KIAA1549L: variants seen among roughly 807,000 people sequenced by gnomAD.
KIAA1549L encodes KIAA1549 like, also known as UPF0606 protein KIAA1549L.
KIAA1549L carries 88 observed loss-of-function variants against 160.7 expected under a neutral mutation model. The ratio of observed to expected loss-of-function variants is 0.55; its 90% CI spans 0.46 to 0.65. The LOEUF (loss-of-function observed/expected upper bound fraction) is 0.65. Ranked by LOEUF, KIAA1549L falls within the 30% of genes least tolerant of loss-of-function variation. The probability of loss-of-function intolerance (pLI) is 0.00; values close to 1 mark genes in which losing one functional copy is unlikely to be tolerated. For synonymous variants in KIAA1549L, 950 were observed against 976.7 expected (o/e 0.97, Z 0.51); for missense variants, 2,258 against 2,437.5 (o/e 0.93, Z 1.55).
At chr11:33,492,259 T>C (rs764814234) in intron 1 of KIAA1549L, among the ~76,000 whole-genome samples, 1 of 152,140 alleles carries the variant, frequency 6.6e-6, no homozygotes. Context: ...TCCCGGCCAC[T>C]GGGGAGGCTG....
chr11:33,671,688 G>C lies in KIAA1549L; in HGVS notation c.*3534G>C, dbSNP rs1372499247. The C allele has an allele frequency of 6.6e-6, 1 of 151,872 alleles. No homozygotes were observed. Among genetic ancestry groups the C allele is most frequent in the Non-Finnish European group, 1.5e-5 (1 of 68,020 alleles). The allele number at this position is 151,872 out of a possible 1,614,324, so 9.4% of individuals were successfully genotyped here. ...ACTAATAGAGATGCTTTTTCTAACA[G>C]GCAGAAATTAGAGAAATGGATCAAA... On this transcript the variant is annotated 3_prime_UTR_variant, in exon 21 of 21. Coordinates refer to ENST00000658780, the MANE Select transcript of KIAA1549L (RefSeq NM_012194.3).
intron 20 of KIAA1549L, among the ~76,000 whole-genome samples, chr11:33,665,882 A>G (rs1852432340): frequency 6.6e-6 from 1 of 152,166 alleles, no homozygotes; most frequent in African/African-American, 2.4e-5. Flanking sequence ...CACCTTCCCA[A>G]GATGCTGAGG....
chr11:33,651,008 T>A (rs985394006), intron 17 of KIAA1549L, among the ~76,000 whole-genome samples: 1 of 152,158 alleles, frequency 6.6e-6, no homozygotes, highest in African/African-American at 2.4e-5. Context: ...AGAAGGCCCC[T>A]TTTCCAGGCC....
chr11:33,526,092 C>T (rs1302191900), intron 1 of KIAA1549L, among the ~76,000 whole-genome samples: 1 of 152,096 alleles, frequency 6.6e-6, no homozygotes, highest in Non-Finnish European at 1.5e-5. Context: ...ATGGCCCCAC[C>T]TATTGCCTGA....
At chr11:33,515,804 A>G (rs1046285473) in intron 1 of KIAA1549L, among the ~76,000 whole-genome samples, 5 of 152,204 alleles carry the variant, frequency 3.3e-5, no homozygotes, top group African/African-American at 1.2e-4. Context: ...TCAGTGCTCC[A>G]GAAAAGTAAC....
At chr11:33,474,930 G>A (rs1192228040) in intron 1 of KIAA1549L, among the ~76,000 whole-genome samples, 1 of 152,182 alleles carries the variant, frequency 6.6e-6, no homozygotes, top group Admixed American at 6.5e-5. Flanking sequence ...ATTAAGGAGG[G>A]CTGCAATATT....
At chr11:33,495,893 T>C (rs1852806149) in intron 1 of KIAA1549L, among the ~76,000 whole-genome samples, 1 of 152,002 alleles carries the variant, frequency 6.6e-6, no homozygotes, top group African/African-American at 2.4e-5. Context: ...GTGAGCATTT[T>C]TTCATGTGTT....
intron 3 of KIAA1549L, among the ~76,000 whole-genome samples, chr11:33,546,965 A>G (rs1261318519): frequency 2.0e-5 from 3 of 152,258 alleles, no homozygotes; most frequent in East Asian, 1.9e-4. Context: ...GACTCTCTCA[A>G]AATATCTTAT....
At chr11:33,646,086 T>A (rs895518600) in intron 17 of KIAA1549L, 50 bp downstream of exon 17, 5 of 1,408,304 alleles carry the variant, frequency 3.6e-6, no homozygotes, top group Non-Finnish European at 3.9e-6. Flanking sequence ...GTCTGCCCAG[T>A]GAGTTCCAAC....
In KIAA1549L at chr11:33,543,082, T is replaced by C. The variant is rs1400173734; in HGVS notation, c.1519T>C (p.Phe507Leu). The C allele has an allele frequency of 6.2e-7, 1 of 1,613,882 alleles. No individual in the cohort carries two copies. The highest frequency in any genetic ancestry group is 1.1e-5 in the South Asian group (1 of 91,090). ...GTADFPSILT[F>L]LQPTENHASP... ...AGCCGACTTTCCCTCCATACTTACTTTCCTCCAGCCCACAGAGAATCATGC... is the reference window on the plus strand; with the variant it reads ...AGCCGACTTTCCCTCCATACTTACTCTCCTCCAGCCCACAGAGAATCATGC... The change falls in exon 2 of 21, where the codon TTC becomes CTC. Residue 507 changes from phenylalanine to leucine, a missense_variant. By Grantham distance (22) the Phe-to-Leu change is conservative. Around this residue, in one of 6 missense-constraint regions of KIAA1549L, gnomAD observed 540 missense variants for 465.7 expected, o/e 1.16. Transcript: ENST00000658780.
At chr11:33,418,771 C>T (rs1290837431) in intron 1 of KIAA1549L, among the ~76,000 whole-genome samples, 2 of 152,112 alleles carry the variant, frequency 1.3e-5, no homozygotes, top group Non-Finnish European at 2.9e-5. Context: ...ATTTTATATC[C>T]TAGTGCAATG....
chr11:33,452,074 C>G lies in KIAA1549L; in HGVS notation c.238+75185C>G, dbSNP rs149503489. Among the ~76,000 whole-genome samples, 498 of 152,250 alleles carry G rather than the reference C, an allele frequency of 3.3e-3. 2 individuals carry two copies. The highest frequency in any genetic ancestry group is 0.011 in the African/African-American group (465 of 41,556). On this transcript the variant is annotated intron_variant, in intron 1 of 20. Coordinates refer to ENST00000658780, the MANE Select transcript of KIAA1549L (RefSeq NM_012194.3). ...TATGCTACTCTTAAATCCAAAATCC[C>G]AGTAGAGGAGAAGATGCCTTTTAGT...
At chr11:33,550,986 C>A in intron 4 of KIAA1549L, 54 bp from the exon 5 acceptor site, 1 of 1,452,198 alleles carries the variant, frequency 6.9e-7, no homozygotes, top group East Asian at 2.3e-5. Flanking sequence ...CCAGGAAGAA[C>A]TTAAAGTGCT....
chr11:33,598,190 T>TTG (rs57343190), intron 12 of KIAA1549L, among the ~76,000 whole-genome samples: 19,167 of 135,036 alleles, frequency 0.14, 1,324 homozygotes, highest in East Asian at 0.24. Flanking sequence ...GAGAGAATGT[T>TTG]TGTGTGTGTG....
In KIAA1549L at chr11:33,668,149, G is replaced by A; in HGVS notation, c.6436G>A (p.Val2146Ile). The change falls in exon 21 of 21, where the codon GTC becomes ATC. Residue 2146 changes from valine (V) to isoleucine (I), a missense_variant. Coordinates refer to ENST00000658780, the MANE Select transcript of KIAA1549L (RefSeq NM_012194.3). Reference protein sequence around the residue: ...KKQTDMFEFQV With the variant: ...KKQTDMFEFQI Reference sequence around the variant, plus strand: ...ACAGACAGACATGTTTGAGTTCCAGGTCTAACGCCTTAGCCCCGTGGGACT... The same window carrying A: ...ACAGACAGACATGTTTGAGTTCCAGATCTAACGCCTTAGCCCCGTGGGACT... 1 of 1,612,828 alleles carries A rather than the reference G, an allele frequency of 6.2e-7. No individual in the cohort carries two copies. Among genetic ancestry groups the A allele is most frequent in the Non-Finnish European group, 8.5e-7 (1 of 1,179,476 alleles).
chr11:33,660,830 C>T, intron 19 of KIAA1549L, 33 bp from the exon 20 acceptor site: 2 of 1,610,458 alleles, frequency 1.2e-6, no homozygotes, highest in Non-Finnish European at 1.7e-6. Flanking sequence ...ACCAGCCTCT[C>T]TTAACCTCCC....
chr11:33,410,981 C>T (rs1055770619), intron 1 of KIAA1549L, among the ~76,000 whole-genome samples: 27 of 152,242 alleles, frequency 1.8e-4, no homozygotes, highest in African/African-American at 6.3e-4. Flanking sequence ...TTTGGCCACA[C>T]AAGGACCAGT....
intron 20 of KIAA1549L, among the ~76,000 whole-genome samples, chr11:33,665,866 G>A (rs77185633): frequency 6.6e-6 from 1 of 150,758 alleles, no homozygotes; most frequent in Non-Finnish European, 1.5e-5. Context: ...CCAGCAGGGA[G>A]GGGGGCACCT....
intron 1 of KIAA1549L, among the ~76,000 whole-genome samples, chr11:33,536,522 C>A (rs1010525968): frequency 6.6e-6 from 1 of 152,116 alleles, no homozygotes; most frequent in African/African-American, 2.4e-5. Flanking sequence ...GAGGGAACAT[C>A]CCAAGAGCGA....
Sources: allele counts gnomAD v4.1 joint callset (sites outside exome capture counted in the v4.1 genomes callset), GRCh38; gene constraint gnomAD v4.1.1; regional missense constraint gnomAD v4.1.1; transcripts MANE v1.5; gene names NCBI Gene and HGNC (gene_info 2026-07-23, HGNC 2026-07-21).